The following UBA2 variants were observed in gnomAD, a reference collection of about 807,000 sequenced individuals.
UBA2 encodes the protein ubiquitin like modifier activating enzyme 2, also known as SUMO-activating enzyme subunit 2.
UBA2 carries 11 observed loss-of-function variants against 77.2 expected under a neutral mutation model. That is an observed-to-expected ratio of 0.14 (90% confidence interval 0.09 to 0.24). UBA2 has a LOEUF of 0.24. UBA2 is among the 10% of genes least tolerant of loss of function. UBA2 has a pLI of 1.00. For missense variants in UBA2, 487 were observed against 781.7 expected (o/e 0.62, Z 4.50); for synonymous variants, 278 against 276.7 (o/e 1.00, Z -0.05).
intron 8 of UBA2, among the ~76,000 whole-genome samples, chr19:34,449,518 T>C (rs1230851777): frequency 5.9e-5 from 9 of 152,242 alleles, no homozygotes; most frequent in African/African-American, 1.7e-4. Flanking sequence ...TTTTTAAATA[T>C]AGCCAAATTT....
At chr19:34,449,065 C>CTTTTTTTTTTTTT (rs11332668) in intron 8 of UBA2, among the ~76,000 whole-genome samples, 3 of 73,818 alleles carry the variant, frequency 4.1e-5, no homozygotes, top group African/African-American at 1.1e-4. Flanking sequence ...AAATATAAAT[C>CTTTTTTTTTTTTT]TTTTTTTTTT....
chr19:34,436,943 C>T (rs1012434306), intron 5 of UBA2, among the ~76,000 whole-genome samples: 5 of 152,116 alleles, frequency 3.3e-5, no homozygotes, highest in African/African-American at 7.2e-5. Flanking sequence ...CAGATCAAGA[C>T]GGAAGTTCTC....
chr19:34,469,928 A>G lies in UBA2; in HGVS notation c.*707A>G, dbSNP rs2075722790. On this transcript the variant is annotated 3_prime_UTR_variant, in exon 17 of 17. Transcript: ENST00000246548. ...ACAGTTCCTGTTTCTGCTGCCTTAT[A>G]TCTACTGCAGGAATGTCAAATTCTT... The G allele has an allele frequency of 6.6e-6, 1 of 152,426 alleles. No individual in the cohort carries two copies. The highest frequency in any genetic ancestry group is 2.4e-5 in the African/African-American group (1 of 41,368). 9.4% of individuals were successfully genotyped at this position (152,426 alleles called of 1,614,324 possible).
chr19:34,444,335 G>A (rs1003718240), intron 7 of UBA2, among the ~76,000 whole-genome samples: 1 of 152,016 alleles, frequency 6.6e-6, no homozygotes, highest in Non-Finnish European at 1.5e-5. Flanking sequence ...TGGGACAGGC[G>A]TAAGCAACCG....
intron 14 of UBA2, among the ~76,000 whole-genome samples, chr19:34,461,935 C>G (rs904115707): frequency 9.2e-5 from 14 of 152,076 alleles, no homozygotes; most frequent in Non-Finnish European, 2.1e-4. Flanking sequence ...AGTGAGGACT[C>G]CCTGGACAAA....
In UBA2 at chr19:34,453,550, G is replaced by A. The variant is rs1235184371; in HGVS notation, c.1039-710G>A. On this transcript the variant is annotated intron_variant, in intron 10 of 16. Transcript: ENST00000246548. ...TTTTTTTTTTTTTAATTGAGACAGGGTCTCACTCTGTCACCAAGGCTGGAG... is the reference window on the plus strand; with the variant it reads ...TTTTTTTTTTTTTAATTGAGACAGGATCTCACTCTGTCACCAAGGCTGGAG... Among the ~76,000 whole-genome samples the A allele has an allele frequency of 2.3e-4, 34 of 148,278 alleles. No homozygotes were observed. The East Asian group carries it at 6.3e-3, about 28-fold the overall frequency.
Position 34,456,102 on chromosome 19 carries a change from T to TTTC in UBA2, c.1245+1548_1245+1549insCTT, listed in dbSNP as rs1283679868. Among the ~76,000 whole-genome samples, 146 of 43,004 alleles carry TTTC rather than the reference T, an allele frequency of 3.4e-3. 6 individuals carry two copies. Among genetic ancestry groups the TTTC allele is most frequent in the South Asian group, 0.01 (11 of 1,082 alleles). 28.2% of individuals were successfully genotyped at this position (43,004 alleles called of 152,430 possible). A position where few individuals can be genotyped will look rare whatever the true frequency, so the allele number is the denominator to read the frequency against. ...CGATGCGCTCTTTTTTTCCTTTTCT[T>TTTC]TTTCTTTTTTTTTTTTTTTTTTGAG... On this transcript the variant is annotated intron_variant, in intron 12 of 16. Coordinates refer to ENST00000246548, the MANE Select transcript of UBA2 (RefSeq NM_005499.3).
Position 34,458,792 on chromosome 19 carries a change from C to T in UBA2, c.1269C>T (p.Asn423=), listed in dbSNP as rs767871747. The T allele has an allele frequency of 6.2e-7, 1 of 1,610,800 alleles. No homozygotes were observed. The change falls in exon 13 of 17, where the codon AAC becomes AAT. Residue 423 remains asparagine (N), a synonymous_variant. Coordinates refer to ENST00000246548, the MANE Select transcript of UBA2 (RefSeq NM_005499.3). Reference sequence around the variant, plus strand: ...AGATTTTTTTGAATAAACAACCAAACCCAAGAAAGAAGCTTCTTGTGCCTT... The same window carrying T: ...AGATTTTTTTGAATAAACAACCAAATCCAAGAAAGAAGCTTCTTGTGCCTT... ...CRTIFLNKQP[N]PRKKLLVPCA... is the part of the protein sequence containing the mutation.
intron 12 of UBA2, among the ~76,000 whole-genome samples, chr19:34,457,179 A>AAATATATAT (rs1262007864): frequency 9.8e-4 from 52 of 53,212 alleles, no homozygotes; most frequent in South Asian, 6.4e-3. Context: ...AAAAAAAAAA[A>AAATATATAT]ATATATATAT....
At position 34,454,644 on chromosome 19, in the gene UBA2, AAAC is replaced by A. The variant is rs139777601; in HGVS notation, c.1245+91_1245+93del. On this transcript the variant is annotated intron_variant, in intron 12 of 16. Transcript: ENST00000246548. ...ATTAAACAGATAATTTTTAAAATGA[AAAC>A]AATAAAATTGGTTTAAAGCAATGGA... 8.7e-4 allele frequency: 591 copies of A among 677,904 alleles called. 2 individuals are homozygous for A. Among genetic ancestry groups the A allele is most frequent in the Non-Finnish European group, 1.3e-3 (558 of 443,712 alleles). 42.0% of individuals were successfully genotyped at this position (677,904 alleles called of 1,614,324 possible).
Position 34,458,816 on chromosome 19 carries a change from T to A in UBA2, c.1293T>A (p.Pro431=). 1 of 1,614,016 alleles carries A rather than the reference T, an allele frequency of 6.2e-7. No individual in the cohort carries two copies. Among genetic ancestry groups the A allele is most frequent in the Non-Finnish European group, 8.5e-7 (1 of 1,179,960 alleles). The change falls in exon 13 of 17, where the codon CCT becomes CCA. Residue 431 remains proline (P), a synonymous_variant. Coordinates refer to ENST00000246548, the MANE Select transcript of UBA2 (RefSeq NM_005499.3). ...ACCCAAGAAAGAAGCTTCTTGTGCC[T>A]TGTGCACTGGATCCTCCCAACCCCA... ...QPNPRKKLLV[P]CALDPPNPNC... is the part of the protein sequence containing the mutation.
At chr19:34,449,795 G>C (rs138543970) in intron 8 of UBA2, among the ~76,000 whole-genome samples, 1 of 152,296 alleles carries the variant, frequency 6.6e-6, no homozygotes, top group African/African-American at 2.4e-5. Context: ...AAGTTCTGTT[G>C]TGAAGCACTT....
At chr19:34,463,209 C>T (rs1371061671) in intron 14 of UBA2, among the ~76,000 whole-genome samples, 3 of 152,078 alleles carry the variant, frequency 2.0e-5, no homozygotes, top group Non-Finnish European at 2.9e-5. Flanking sequence ...GCACTCTGGC[C>T]TGTGTGACAC....
chr19:34,457,137 T>C (rs1376654464), intron 12 of UBA2, among the ~76,000 whole-genome samples: 12 of 128,354 alleles, frequency 9.3e-5, no homozygotes, highest in Non-Finnish European at 1.9e-4. Flanking sequence ...GAGACTAGCC[T>C]GACTAACGTG....
In UBA2 at chr19:34,458,761, C is replaced by G; in HGVS notation, c.1246-8C>G. ...TTCCGATTTCTGCCTGTTATTTCTCCTCCAAAGATTTTTTTGAATAAACAA... is the reference window on the plus strand; with the variant it reads ...TTCCGATTTCTGCCTGTTATTTCTCGTCCAAAGATTTTTTTGAATAAACAA... On this transcript the variant is annotated splice_polypyrimidine_tract_variant and splice_region_variant and intron_variant, in intron 12 of 16. Transcript: ENST00000246548. The G allele has an allele frequency of 6.2e-7, 1 of 1,605,830 alleles. No individual in the cohort carries two copies.
intron 8 of UBA2, among the ~76,000 whole-genome samples, chr19:34,449,010 C>T (rs1278127281): frequency 1.3e-5 from 2 of 151,088 alleles, no homozygotes; most frequent in Non-Finnish European, 2.9e-5. Flanking sequence ...GTACCCATTT[C>T]ACATGTTGCT....
chr19:34,446,608 C>CTTT (rs764109454), intron 8 of UBA2, among the ~76,000 whole-genome samples: 6 of 145,152 alleles, frequency 4.1e-5, no homozygotes, highest in African/African-American at 1.3e-4. Context: ...TTTTTTTTTT[C>CTTT]TTTCTTTTTT....
At position 34,470,471 on chromosome 19, in the gene UBA2, A is replaced by C. The variant is rs1285439496; in HGVS notation, c.*1250A>C. On this transcript the variant is annotated 3_prime_UTR_variant, in exon 17 of 17. Transcript: ENST00000246548. Reference sequence around the variant, plus strand: ...CAAGGCCAGCCTGGGTAACATAGCAAGACCCTGTCTCTAAAAAATAAGTAA... The same window carrying C: ...CAAGGCCAGCCTGGGTAACATAGCACGACCCTGTCTCTAAAAAATAAGTAA... 6.6e-6 allele frequency: 1 copy of C among 152,224 alleles called. No individual in the cohort carries two copies. The highest frequency in any genetic ancestry group is 1.5e-5 in the Non-Finnish European group (1 of 68,048). 9.4% of individuals were successfully genotyped at this position (152,224 alleles called of 1,614,324 possible).
In UBA2 at chr19:34,467,119, G is replaced by C; in HGVS notation, c.1741+105G>C. 7 of 1,337,628 alleles carry C rather than the reference G, an allele frequency of 5.2e-6. No homozygotes were observed. In the South Asian group the frequency reaches 8.3e-5, roughly 16 times the overall value. The allele number at this position is 1,337,628 out of a possible 1,614,324, so 82.9% of individuals were successfully genotyped here. On this transcript the variant is annotated intron_variant, in intron 16 of 16. Coordinates refer to ENST00000246548, the MANE Select transcript of UBA2 (RefSeq NM_005499.3). The stretch of plus-strand genomic sequence containing the variant: ...CCATAAATCCATAAAACTACTAGAG[G>C]TGTGTATTGGTTTGGTATTGATTGT...
Sources: gnomAD v4.1 joint callset for allele counts (sites outside exome capture counted in the v4.1 genomes callset) on GRCh38, gnomAD v4.1.1 for gene constraint, MANE v1.5 for transcripts, NCBI Gene and HGNC (gene_info 2026-07-23, HGNC 2026-07-21) for gene names.